LY86: variants seen among roughly 807,000 people sequenced by gnomAD.
LY86 encodes the protein lymphocyte antigen 86, also known as MD-1, RP105-associated.
In LY86, 20 loss-of-function variants were observed where a neutral mutation model predicts 17.3. That is an observed-to-expected ratio of 1.15 (90% confidence interval 0.81 to 1.68). The LOEUF is 1.68. Ranked by LOEUF, LY86 falls within the 40% of genes most tolerant of loss-of-function variation. The probability of loss-of-function intolerance (pLI) is 0.00; values close to 1 mark genes in which losing one functional copy is unlikely to be tolerated. For missense variants in LY86, 200 were observed against 191.9 expected (o/e 1.04, Z -0.25); for synonymous variants, 74 against 70.6 (o/e 1.05, Z -0.24).
intron 1 of LY86, among the ~76,000 whole-genome samples, chr6:6,613,439 G>C (rs1025796853): frequency 1.3e-5 from 2 of 152,190 alleles, no homozygotes; most frequent in African/African-American, 4.8e-5. Flanking sequence ...CTGCCGCGCC[G>C]GGAGGCAGCC....
intron 3 of LY86, among the ~76,000 whole-genome samples, chr6:6,640,561 A>T (rs1247115350): frequency 1.3e-5 from 2 of 151,840 alleles, no homozygotes; most frequent in South Asian, 2.1e-4. Flanking sequence ...TCTCTAAAAA[A>T]TTTTTAAAAA....
chr6:6,630,087 A>G, intron 3 of LY86, among the ~76,000 whole-genome samples: 1 of 152,248 alleles, frequency 6.6e-6, no homozygotes, highest in East Asian at 1.9e-4. Context: ...TTATCTCTGC[A>G]GATCTTTATT....
At chr6:6,600,538 G>A (rs1220845311) in intron 1 of LY86, among the ~76,000 whole-genome samples, 1 of 141,160 alleles carries the variant, frequency 7.1e-6, no homozygotes, top group Non-Finnish European at 1.5e-5. Context: ...TGCAGTGAGT[G>A]GATATTGCAC....
Position 6,638,558 on chromosome 6 carries a change from G to T in LY86, c.353-11067G>T, listed in dbSNP as rs546989450. Among the ~76,000 whole-genome samples, 13 of 152,196 alleles carry T rather than the reference G, an allele frequency of 8.5e-5. 1 individual carries two copies. In the South Asian group the frequency reaches 2.7e-3, roughly 32 times the overall value. On this transcript the variant is annotated intron_variant, in intron 3 of 4. Transcript: ENST00000230568. The stretch of plus-strand genomic sequence containing the variant: ...AAGCTCCTAATAGCCACACATGCCT[G>T]GTGACTACTGTATTTGATGGCGTAG...
At chr6:6,607,618 G>A (rs1431551249) in intron 1 of LY86, among the ~76,000 whole-genome samples, 2 of 152,178 alleles carry the variant, frequency 1.3e-5, no homozygotes, top group East Asian at 3.9e-4. Flanking sequence ...TCAGAGGCTT[G>A]GCTGGGCACG....
chr6:6,589,142 G>A (rs766185426), intron 1 of LY86, among the ~76,000 whole-genome samples: 4 of 152,110 alleles, frequency 2.6e-5, no homozygotes, highest in African/African-American at 4.8e-5. Context: ...TAACACCACA[G>A]AACCCAAAAA....
intron 1 of LY86, 92 bp downstream of exon 1, chr6:6,588,962 G>T: frequency 6.8e-7 from 1 of 1,478,012 alleles, no homozygotes; most frequent in Non-Finnish European, 9.1e-7. Flanking sequence ...TGGGGTGGGA[G>T]GGGAGAGGGG....
intron 1 of LY86, among the ~76,000 whole-genome samples, chr6:6,620,567 C>T (rs1054338878): frequency 2.0e-5 from 3 of 152,208 alleles, no homozygotes; most frequent in African/African-American, 7.2e-5. Context: ...CCCCCACCAT[C>T]CTCTGCTGAG....
At chr6:6,605,191 A>G (rs1761065971) in intron 1 of LY86, among the ~76,000 whole-genome samples, 1 of 152,234 alleles carries the variant, frequency 6.6e-6, no homozygotes, top group Admixed American at 6.5e-5. Flanking sequence ...ATGAATTTGG[A>G]ACAAGAATGT....
chr6:6,606,807 C>T (rs767642528), intron 1 of LY86, among the ~76,000 whole-genome samples: 20 of 152,258 alleles, frequency 1.3e-4, no homozygotes, highest in African/African-American at 2.7e-4. Flanking sequence ...TACGCCTCTC[C>T]CTCCACACCA....
chr6:6,594,828 C>T (rs757215970), intron 1 of LY86, among the ~76,000 whole-genome samples: 1 of 152,312 alleles, frequency 6.6e-6, no homozygotes, highest in Non-Finnish European at 1.5e-5. Context: ...GGAAGTTTAT[C>T]TCCATTTTCT....
chr6:6,649,440 T>C (rs1762154314), intron 3 of LY86, among the ~76,000 whole-genome samples, 185 bp from the exon 4 acceptor site: 1 of 152,240 alleles, frequency 6.6e-6, no homozygotes, highest in Non-Finnish European at 1.5e-5. Flanking sequence ...GACCAATATT[T>C]GTGGCATGAA....
chr6:6,602,315 T>C (rs1178720273), intron 1 of LY86, among the ~76,000 whole-genome samples: 1 of 152,222 alleles, frequency 6.6e-6, no homozygotes, highest in African/African-American at 2.4e-5. Context: ...CTAGATTTGA[T>C]AACTAGCAGA....
chr6:6,638,050 T>G (rs536026369), intron 3 of LY86, among the ~76,000 whole-genome samples: 10 of 152,332 alleles, frequency 6.6e-5, no homozygotes, highest in African/African-American at 2.2e-4. Context: ...AGAATGCCAC[T>G]GAAAAAGTCA....
At chr6:6,603,873 AG>A (rs754440234) in intron 1 of LY86, among the ~76,000 whole-genome samples, 2 of 152,086 alleles carry the variant, frequency 1.3e-5, no homozygotes, top group Non-Finnish European at 2.9e-5. Context: ...TAAAAGAAAC[AG>A]AAAAAAGCAG....
chr6:6,648,898 A>G (rs1169185562), intron 3 of LY86, among the ~76,000 whole-genome samples: 1 of 152,022 alleles, frequency 6.6e-6, no homozygotes, highest in East Asian at 1.9e-4. Flanking sequence ...TGCCTCTCTC[A>G]TATTACTTGG....
At chr6:6,633,026 A>G (rs1042929800) in intron 3 of LY86, among the ~76,000 whole-genome samples, 2 of 152,176 alleles carry the variant, frequency 1.3e-5, no homozygotes, top group Admixed American at 6.5e-5. Context: ...TCCACTCTCA[A>G]TGAGGTTCAT....
chr6:6,604,454 T>C (rs1340923121), intron 1 of LY86, among the ~76,000 whole-genome samples: 1 of 152,050 alleles, frequency 6.6e-6, no homozygotes, highest in Non-Finnish European at 1.5e-5. Context: ...GAAAAAATAA[T>C]GGTTATGTTA....
intron 3 of LY86, among the ~76,000 whole-genome samples, chr6:6,643,817 C>T (rs760529648): frequency 6.6e-6 from 1 of 151,240 alleles, no homozygotes; most frequent in Non-Finnish European, 1.5e-5. Context: ...ATGCTAACCA[C>T]GTTATACAAC....
Sources: allele counts gnomAD v4.1 joint callset (sites outside exome capture counted in the v4.1 genomes callset), GRCh38; gene constraint gnomAD v4.1.1; transcripts MANE v1.5; gene names NCBI Gene and HGNC (gene_info 2026-07-23, HGNC 2026-07-21).